Variants in MED27 observed in about 807,000 individuals in gnomAD.
MED27 encodes the protein mediator of RNA polymerase II transcription subunit 27.
Under a neutral mutation model 38.2 loss-of-function variants are expected in MED27, and 30 were observed. That is an observed-to-expected ratio of 0.79 (90% CI 0.59 to 1.07). MED27 has a LOEUF of 1.07. MED27 is among the 50% of genes least tolerant of loss of function. The pLI, the probability that MED27 is intolerant of heterozygous loss-of-function variation, is 0.00. For synonymous variants in MED27, 122 were observed against 153.5 expected (o/e 0.79, Z 1.52); for missense variants, 289 against 397.5 (o/e 0.73, Z 2.32).
intron 2 of MED27, among the ~76,000 whole-genome samples, chr9:132,034,873 G>C (rs755846734): frequency 6.6e-6 from 1 of 152,182 alleles, no homozygotes; most frequent in African/African-American, 2.4e-5. Context: ...CATTTGTGCT[G>C]AGACTTCAAC....
chr9:131,891,903 T>C (rs557419562), intron 5 of MED27, among the ~76,000 whole-genome samples: 9 of 152,050 alleles, frequency 5.9e-5, no homozygotes, highest in Non-Finnish European at 1.3e-4. Flanking sequence ...GAGGGAGAAC[T>C]GCCAGTAATC....
chr9:131,911,900 C>T (rs1286802689), intron 4 of MED27, among the ~76,000 whole-genome samples: 4 of 152,210 alleles, frequency 2.6e-5, no homozygotes, highest in African/African-American at 7.2e-5. Context: ...TGTCTATTGC[C>T]TTTCTCTCCT....
intron 2 of MED27, among the ~76,000 whole-genome samples, chr9:132,017,968 A>C (rs185629971): frequency 2.0e-5 from 3 of 152,308 alleles, no homozygotes; most frequent in Non-Finnish European, 4.4e-5. Context: ...AAGAGGCTCC[A>C]AGTTGTCAGG....
chr9:131,905,714 AAAAAAAAAAAAAACAG>A (rs1350565606), intron 4 of MED27, among the ~76,000 whole-genome samples: 1 of 109,576 alleles, frequency 9.1e-6, no homozygotes, highest in South Asian at 3.3e-4. Flanking sequence ...AAAAAAAAAA[AAAAAAAAAAAAAACAG>A]AAAAAGAAAA....
chr9:131,868,642 G>A (rs1199253401), intron 6 of MED27: 5 of 985,380 alleles, frequency 5.1e-6, no homozygotes, highest in African/African-American at 1.7e-5. Context: ...GATGCACATA[G>A]TGGGTGAGGG....
chr9:131,871,531 C>T (rs1010089697), intron 6 of MED27, among the ~76,000 whole-genome samples: 8 of 152,152 alleles, frequency 5.3e-5, no homozygotes, highest in South Asian at 2.1e-4. Context: ...ACAGGAACAA[C>T]GGCACCATTC....
Position 132,077,602 on chromosome 9 carries a change from A to C in MED27, c.204-16T>G. 3.1e-6 allele frequency: 5 copies of C among 1,614,026 alleles called. No homozygotes were observed. The highest frequency in any genetic ancestry group is 4.2e-6 in the Non-Finnish European group (5 of 1,179,950). Reference sequence around the variant, plus strand: ...TTCCAGCTCACTGAAAAGCAAAGAGACAAGGCAAATAAACCTAAGCCCATT... The same window carrying C: ...TTCCAGCTCACTGAAAAGCAAAGAGCCAAGGCAAATAAACCTAAGCCCATT... On this transcript the variant is annotated splice_polypyrimidine_tract_variant and intron_variant, in intron 1 of 7. Transcript: ENST00000292035.
intron 6 of MED27, among the ~76,000 whole-genome samples, chr9:131,863,746 C>T (rs1838690336): frequency 6.6e-6 from 1 of 152,190 alleles, no homozygotes; most frequent in Admixed American, 6.5e-5. Context: ...TGGCCCTTCG[C>T]AGGAGCCCGG....
chr9:132,026,750 G>A (rs963334129), intron 2 of MED27, among the ~76,000 whole-genome samples: 6 of 152,092 alleles, frequency 3.9e-5, no homozygotes, highest in African/African-American at 1.4e-4. Context: ...CATCCCCAGT[G>A]TCCAGAACAG....
At chr9:132,058,687 C>A (rs1364748876) in intron 2 of MED27, among the ~76,000 whole-genome samples, 2 of 152,190 alleles carry the variant, frequency 1.3e-5, no homozygotes, top group Non-Finnish European at 2.9e-5. Flanking sequence ...AGAACAGACT[C>A]CTATAGAAGG....
At chr9:131,935,016 A>C (rs1468898392) in intron 4 of MED27, among the ~76,000 whole-genome samples, 3 of 152,172 alleles carry the variant, frequency 2.0e-5, no homozygotes, top group Non-Finnish European at 4.4e-5. Context: ...AAATTAAAGT[A>C]ATTGAACTCC....
At chr9:131,958,016 G>T (rs771194609) in intron 3 of MED27, among the ~76,000 whole-genome samples, 45 of 152,012 alleles carry the variant, frequency 3.0e-4, no homozygotes, top group Non-Finnish European at 5.7e-4. Context: ...GGAGCATGAA[G>T]AAATTTCTGG....
At chr9:132,037,177 G>A (rs1303372885) in intron 2 of MED27, among the ~76,000 whole-genome samples, 4 of 152,116 alleles carry the variant, frequency 2.6e-5, no homozygotes, top group Admixed American at 2.0e-4. Flanking sequence ...ACACAATCAC[G>A]CTCACAGACC....
At chr9:132,015,649 G>A (rs1406369306) in intron 2 of MED27, among the ~76,000 whole-genome samples, 1 of 152,096 alleles carries the variant, frequency 6.6e-6, no homozygotes, top group Non-Finnish European at 1.5e-5. Context: ...CTAACATCAG[G>A]AAATTCTGAT....
chr9:131,941,204 T>C (rs541599343), intron 3 of MED27, among the ~76,000 whole-genome samples: 1 of 152,218 alleles, frequency 6.6e-6, no homozygotes, highest in Non-Finnish European at 1.5e-5. Context: ...TAAAACTATC[T>C]ATTAAGGATT....
At chr9:131,899,765 C>T (rs1435829210) in intron 4 of MED27, among the ~76,000 whole-genome samples, 4 of 152,204 alleles carry the variant, frequency 2.6e-5, no homozygotes, top group Non-Finnish European at 5.9e-5. Flanking sequence ...CATCGCTCTA[C>T]AATGATTCCG....
At chr9:131,953,597 T>A (rs1831039156) in intron 3 of MED27, among the ~76,000 whole-genome samples, 1 of 151,970 alleles carries the variant, frequency 6.6e-6, no homozygotes, top group African/African-American at 2.4e-5. Context: ...ATAATTAAAA[T>A]TACATTATTT....
chr9:131,862,502 C>T lies in MED27; in HGVS notation c.801+561G>A, dbSNP rs553748793. On this transcript the variant is annotated intron_variant, in intron 7 of 7. Coordinates refer to ENST00000292035, the MANE Select transcript of MED27 (RefSeq NM_004269.4). The surrounding 1 kb of genome is among the most constrained non-coding windows in gnomAD (Gnocchi z 4.6). ...CCCTGGGGTTCGGGGGAAGTCCTGA[C>T]TTGCAGTGTTTGCCGATTTCCGTGG... 3.3e-5 allele frequency among the ~76,000 whole-genome samples: 5 copies of T among 152,288 alleles called. No individual in the cohort carries two copies. Among genetic ancestry groups the T allele is most frequent in the Admixed American group, 3.3e-4 (5 of 15,302 alleles).
At chr9:131,925,317 C>A (rs1379808588) in intron 4 of MED27, among the ~76,000 whole-genome samples, 1 of 152,112 alleles carries the variant, frequency 6.6e-6, no homozygotes, top group Non-Finnish European at 1.5e-5. Flanking sequence ...TACAGGCATG[C>A]AATGCATAAT....
Sources: allele counts gnomAD v4.1 joint callset (sites outside exome capture counted in the v4.1 genomes callset), GRCh38; gene constraint gnomAD v4.1.1; non-coding constraint Gnocchi (gnomAD v3.1); transcripts MANE v1.5; gene names NCBI Gene and HGNC (gene_info 2026-07-23, HGNC 2026-07-21).